DENND2A: variants seen among roughly 807,000 people sequenced by gnomAD.
DENND2A encodes the protein DENN domain containing 2A, also known as DENN domain-containing protein 2A.
In DENND2A, 53 loss-of-function variants were observed where a neutral mutation model predicts 105.3. The ratio of observed to expected loss-of-function variants is 0.50; its 90% confidence interval spans 0.40 to 0.63. The LOEUF is 0.63. DENND2A is among the 30% of genes least tolerant of loss of function. The pLI is 0.00. For synonymous variants in DENND2A, 522 were observed against 508.4 expected (o/e 1.03, Z -0.36); for missense variants, 1,138 against 1,279.6 (o/e 0.89, Z 1.69).
At chr7:140,579,157 G>T (rs2130626559) in intron 5 of DENND2A, among the ~76,000 whole-genome samples, 1 of 152,024 alleles carries the variant, frequency 6.6e-6, no homozygotes, top group East Asian at 2.0e-4. Flanking sequence ...GCTGGGCATG[G>T]TGGCGCACGC....
intron 3 of DENND2A, among the ~76,000 whole-genome samples, chr7:140,588,156 C>T (rs1798864472): frequency 6.6e-6 from 1 of 152,152 alleles, no homozygotes; most frequent in Non-Finnish European, 1.5e-5. Flanking sequence ...GGTGATCTGC[C>T]TGTCTTGGCC....
intron 14 of DENND2A, among the ~76,000 whole-genome samples, chr7:140,542,133 G>C (rs1489827269): frequency 6.6e-6 from 1 of 151,990 alleles, no homozygotes; most frequent in African/African-American, 2.4e-5. Flanking sequence ...GGCTGGCCCC[G>C]CATCTCAGCC....
At chr7:140,545,383 C>T (rs987904139) in intron 13 of DENND2A, among the ~76,000 whole-genome samples, 34 of 152,184 alleles carry the variant, frequency 2.2e-4, no homozygotes, top group African/African-American at 8.0e-4. Context: ...TGGAGTCTTA[C>T]TCTGTTGCCC....
rs990870218 is a variant in DENND2A at position 140,585,662 on chromosome 7, C to T, written c.1172G>A (p.Arg391His). 15 of 1,614,024 alleles carry T rather than the reference C, an allele frequency of 9.3e-6. No homozygotes were observed. Among genetic ancestry groups the T allele is most frequent in the African/African-American group, 6.7e-5 (5 of 74,904 alleles). ...NPYEDIELHG[R>H]CLGKKCVLNF... Reference sequence around the variant, plus strand: ...CAAGACACACTTCTTTCCCAGGCAGCGACCATGTAACTCGATGTCCTCATA... The same window carrying T: ...CAAGACACACTTCTTTCCCAGGCAGTGACCATGTAACTCGATGTCCTCATA... The change falls in exon 5 of 20, where the codon CGC becomes CAC. Residue 391 changes from arginine to histidine, a missense_variant. Coordinates refer to ENST00000496613, the MANE Select transcript of DENND2A (RefSeq NM_015689.5).
chr7:140,531,166 G>A (rs1004916336), intron 14 of DENND2A, among the ~76,000 whole-genome samples: 1 of 152,186 alleles, frequency 6.6e-6, no homozygotes, highest in Non-Finnish European at 1.5e-5. Context: ...TTATGTTTTA[G>A]TTCCTTGATC....
Position 140,559,456 on chromosome 7 carries a change from T to C in DENND2A, c.1889+252A>G, listed in dbSNP as rs1211585789. ...AATGTTGCCCTAACTTTTCCCAGGC[T>C]AAGAATTATCTTCCGGGAGGCTTCT... On this transcript the variant is annotated intron_variant, in intron 10 of 19. Transcript: ENST00000496613. This position sits in a 1 kb window ranked among gnomAD's most constrained non-coding sequence, Gnocchi z 4.1. 6.6e-6 allele frequency among the ~76,000 whole-genome samples: 1 copy of C among 152,212 alleles called. No individual in the cohort carries two copies. The highest frequency in any genetic ancestry group is 2.4e-5 in the African/African-American group (1 of 41,458).
intron 16 of DENND2A, among the ~76,000 whole-genome samples, chr7:140,525,305 C>T (rs1796019155): frequency 6.6e-6 from 1 of 152,014 alleles, no homozygotes; most frequent in East Asian, 1.9e-4. Flanking sequence ...CAGGTGCCTG[C>T]CACCATGCCT....
intron 3 of DENND2A, among the ~76,000 whole-genome samples, chr7:140,592,068 C>T (rs1182540894): frequency 6.7e-5 from 9 of 134,240 alleles, no homozygotes; most frequent in Admixed American, 4.0e-4. Flanking sequence ...GATGGAGTTT[C>T]GCTCTTGACG....
Position 140,521,869 on chromosome 7 carries a change from CGG to C in DENND2A, c.2895_2896del (p.Arg966AlafsTer8), listed in dbSNP as rs1563114302. On this transcript the variant is annotated frameshift_variant, in exon 18 of 20. Coordinates refer to ENST00000496613, the MANE Select transcript of DENND2A (RefSeq NM_015689.5). LOFTEE classifies it high-confidence loss of function. ...ATGCCCCTCACCTTTGGCATCCTGC[CGG>C]CGCAGCTCCCGCTCCTGGATGAAGC... 6.2e-7 allele frequency: 1 copy of C among 1,614,006 alleles called. No homozygotes were observed. Among genetic ancestry groups the C allele is most frequent in the South Asian group, 1.1e-5 (1 of 91,082 alleles).
chr7:140,524,197 G>T (rs1207428576), intron 16 of DENND2A, among the ~76,000 whole-genome samples: 3 of 152,150 alleles, frequency 2.0e-5, no homozygotes, highest in African/African-American at 7.2e-5. Context: ...ATAAAAAACA[G>T]CATTAATGCT....
intron 6 of DENND2A, among the ~76,000 whole-genome samples, chr7:140,570,174 C>T (rs999097306): frequency 5.9e-5 from 9 of 152,126 alleles, no homozygotes; most frequent in African/African-American, 9.7e-5. Flanking sequence ...GGATTACAGG[C>T]GCGAGCCACC....
intron 2 of DENND2A, among the ~76,000 whole-genome samples, chr7:140,605,383 T>C (rs1799653656): frequency 6.6e-6 from 1 of 152,158 alleles, no homozygotes; most frequent in Admixed American, 6.5e-5. Context: ...TGCAAAGACT[T>C]AGGGCTCAAA....
intron 14 of DENND2A, among the ~76,000 whole-genome samples, chr7:140,534,317 T>C (rs1319214065): frequency 6.6e-6 from 1 of 151,562 alleles, no homozygotes; most frequent in African/African-American, 2.4e-5. Context: ...ACTCTTGACC[T>C]CATGATCTGC....
intron 1 of DENND2A, among the ~76,000 whole-genome samples, chr7:140,629,918 C>T (rs184124670): frequency 9.6e-4 from 142 of 147,432 alleles, no homozygotes; most frequent in African/African-American, 3.3e-3. Context: ...AGTTCAGTGG[C>T]GCAATCTCAG....
chr7:140,601,544 G>A lies in DENND2A; in HGVS notation c.854C>T (p.Pro285Leu), dbSNP rs1263626915. 1 of 1,614,204 alleles carries A rather than the reference G, an allele frequency of 6.2e-7. No homozygotes were observed. Among genetic ancestry groups the A allele is most frequent in the Non-Finnish European group, 8.5e-7 (1 of 1,180,036 alleles). Residue 285 changes from proline (P) to leucine (L), a missense_variant, in exon 3 of 20, where the codon CCT becomes CTT. Physicochemically the swap from Pro to Leu is moderately conservative, Grantham distance 98. This residue lies in a region of DENND2A where 511 missense variants were observed against 499.9 expected (regional missense o/e 1.02). Transcript: ENST00000496613. ...HAGEGDKDGK[P>L]GIGFRKEKRN... Reference sequence around the variant, plus strand: ...TTTCTCTTTCCTGAAGCCGATGCCAGGCTTCCCATCTTTGTCCCCTTCTCC... The same window carrying A: ...TTTCTCTTTCCTGAAGCCGATGCCAAGCTTCCCATCTTTGTCCCCTTCTCC...
chr7:140,527,206 G>T lies in DENND2A; in HGVS notation c.2505+112C>A. ...CAAAGCCCTGGTGCCCCCACGCCCT[G>T]CTCCCCAACACTGCTGGCTCTGAGA... is the stretch of plus-strand genomic sequence containing the variant. On this transcript the variant is annotated intron_variant, in intron 15 of 19. Coordinates refer to ENST00000496613, the MANE Select transcript of DENND2A (RefSeq NM_015689.5). This position sits in a 1 kb window ranked among gnomAD's most constrained non-coding sequence, Gnocchi z 4.9. The T allele has an allele frequency of 8.1e-7, 1 of 1,232,936 alleles. No homozygotes were observed. The highest frequency in any genetic ancestry group is 1.1e-6 in the Non-Finnish European group (1 of 912,844). 76.4% of individuals were successfully genotyped at this position (1,232,936 alleles called of 1,614,324 possible).
chr7:140,555,841 T>C (rs1176274662), intron 11 of DENND2A, 128 bp from the exon 12 acceptor site: 4 of 651,594 alleles, frequency 6.1e-6, no homozygotes, highest in East Asian at 5.9e-5. Context: ...GAAAACCCAA[T>C]AAAGTAAGTT....
chr7:140,602,423 A>G lies in DENND2A; in HGVS notation c.-26T>C. On this transcript the variant is annotated 5_prime_UTR_variant, in exon 3 of 20. Coordinates refer to ENST00000496613, the MANE Select transcript of DENND2A (RefSeq NM_015689.5). ...TCTTGACTCTAGCGTGAGGTTGTGG[A>G]GGCCTTCCAGGGGACTCCTTCTGAA... The G allele has an allele frequency of 6.6e-7, 1 of 1,522,300 alleles. No individual in the cohort carries two copies. The highest frequency in any genetic ancestry group is 8.8e-7 in the Non-Finnish European group (1 of 1,139,540). 94.3% of individuals were successfully genotyped at this position (1,522,300 alleles called of 1,614,324 possible).
chr7:140,569,366 G>A (rs1797996278), intron 7 of DENND2A, among the ~76,000 whole-genome samples: 1 of 152,228 alleles, frequency 6.6e-6, no homozygotes, highest in Non-Finnish European at 1.5e-5. Flanking sequence ...GGCCCCTTTT[G>A]TGCAGGCTAA....
Sources: gnomAD v4.1 joint callset for allele counts (sites outside exome capture counted in the v4.1 genomes callset) on GRCh38, gnomAD v4.1.1 for gene constraint, gnomAD v4.1.1 regional missense constraint, Gnocchi (gnomAD v3.1) non-coding constraint, MANE v1.5 for transcripts, NCBI Gene and HGNC (gene_info 2026-07-23, HGNC 2026-07-21) for gene names.